ZNF440: variants seen among roughly 807,000 people sequenced by gnomAD.
ZNF440 encodes the protein zinc finger protein 440.
ZNF440 carries 47 observed loss-of-function variants against 49.7 expected under a neutral mutation model. The ratio of observed to expected loss-of-function variants is 0.95; its 90% CI spans 0.75 to 1.21. The LOEUF (loss-of-function observed/expected upper bound fraction) is 1.21, where lower values mean the gene tolerates loss of function less well. ZNF440 is among the 50% of genes most tolerant of loss of function. The probability of loss-of-function intolerance (pLI) is 0.00; values close to 1 mark genes in which losing one functional copy is unlikely to be tolerated. For missense variants in ZNF440, 703 were observed against 715.0 expected (o/e 0.98, Z 0.19); for synonymous variants, 255 against 237.7 (o/e 1.07, Z -0.67).
intron 1 of ZNF440, among the ~76,000 whole-genome samples, chr19:11,815,284 TCACACACACACACACACACACA>T (rs3223082): frequency 5.0e-5 from 6 of 121,128 alleles, no homozygotes; most frequent in South Asian, 2.8e-4. Flanking sequence ...GGCAACTCCG[TCACACACACACACACACACACA>T]CACACACACA....
intron 1 of ZNF440, among the ~76,000 whole-genome samples, chr19:11,825,797 T>C (rs532962073): frequency 3.5e-5 from 5 of 144,796 alleles, no homozygotes; most frequent in Admixed American, 6.9e-5. Flanking sequence ...TTTTCTTTTT[T>C]TTTTCTTTTC....
intron 3 of ZNF440, 31 bp downstream of exon 3, chr19:11,830,708 C>T: frequency 6.2e-7 from 1 of 1,603,478 alleles, no homozygotes; most frequent in Non-Finnish European, 8.5e-7. Flanking sequence ...AAAGCAGTGT[C>T]TCTCTAGACA....
At chr19:11,830,822 A>G (rs1434277089) in intron 3 of ZNF440, 145 bp downstream of exon 3, 1 of 1,137,546 alleles carries the variant, frequency 8.8e-7, no homozygotes, top group African/African-American at 1.6e-5. Context: ...CATATATGTA[A>G]ATGTGACCTA....
Position 11,831,831 on chromosome 19 carries a change from G to A in ZNF440, c.655G>A (p.Glu219Lys). ...FHCLRLYLIH[E>K]RIHTGEKPCE... ...TTGTCTCAGATTATATCTTATCCAT[G>A]AAAGAATTCACACTGGAGAGAAACC... is the stretch of plus-strand genomic sequence containing the variant. The change falls in exon 4 of 4, where the codon GAA becomes AAA. Residue 219 changes from glutamate to lysine, a missense_variant. By Grantham distance (56) the Glu-to-Lys change is moderately conservative. Coordinates refer to ENST00000304060, the MANE Select transcript of ZNF440 (RefSeq NM_152357.3). The A allele has an allele frequency of 6.2e-7, 1 of 1,609,240 alleles. No individual in the cohort carries two copies.
At position 11,832,215 on chromosome 19, in the gene ZNF440, A is replaced by G. The variant is rs776523869; in HGVS notation, c.1039A>G (p.Lys347Glu). The G allele has an allele frequency of 4.3e-6, 7 of 1,614,084 alleles. No homozygotes were observed. The highest frequency in any genetic ancestry group is 2.7e-5 in the African/African-American group (2 of 74,938). Residue 347 changes from lysine to glutamate, a missense_variant, in exon 4 of 4, where the codon AAA (lysine) becomes GAA (glutamate). Coordinates refer to ENST00000304060, the MANE Select transcript of ZNF440 (RefSeq NM_152357.3). ...ERPYECKICGKDFCSVNSFQR... is the reference protein window; with the variant it reads ...ERPYECKICGEDFCSVNSFQR... ...ACCTTATGAATGTAAGATATGTGGA[A>G]AAGACTTTTGTTCTGTGAATTCATT...
At position 11,832,646 on chromosome 19, in the gene ZNF440, A is replaced by G. The variant is rs1293764374; in HGVS notation, c.1470A>G (p.Gln490=). 3 of 1,613,404 alleles carry G rather than the reference A, an allele frequency of 1.9e-6. No individual in the cohort carries two copies. Among genetic ancestry groups the G allele is most frequent in the East Asian group, 2.2e-5 (1 of 44,824 alleles). The change falls in exon 4 of 4, where the codon CAA becomes CAG. Residue 490 remains glutamine, a synonymous_variant. Transcript: ENST00000304060. ...HTGEKLYECK[Q]RSVVPSVVPV... ...GAGAGAAACTCTATGAATGCAAGCA[A>G]CGTTCAGTAGTTCCTTCAGTAGTTC...
chr19:11,830,249 A>G, intron 1 of ZNF440, 34 bp from the exon 2 acceptor site: 1 of 1,613,360 alleles, frequency 6.2e-7, no homozygotes, highest in Non-Finnish European at 8.5e-7. Context: ...TGTCACTCTC[A>G]CCCATCTTCT....
intron 1 of ZNF440, among the ~76,000 whole-genome samples, chr19:11,826,906 A>C (rs1297767987): frequency 6.6e-6 from 1 of 151,950 alleles, no homozygotes; most frequent in African/African-American, 2.4e-5. Context: ...TCAGGTGATC[A>C]ACCTGCCTCA....
At chr19:11,825,941 G>A (rs762592660) in intron 1 of ZNF440, among the ~76,000 whole-genome samples, 3 of 151,222 alleles carry the variant, frequency 2.0e-5, no homozygotes, top group East Asian at 3.9e-4. Context: ...TCTGCCTCCC[G>A]AGTAGCTGGG....
intron 1 of ZNF440, among the ~76,000 whole-genome samples, chr19:11,819,305 A>G (rs1975770532): frequency 6.6e-6 from 1 of 152,136 alleles, no homozygotes; most frequent in South Asian, 2.1e-4. Flanking sequence ...CTGGCTATGT[A>G]AAAGCTGTGT....
chr19:11,831,282 G>A, intron 3 of ZNF440, 86 bp from the exon 4 acceptor site: 1 of 1,500,570 alleles, frequency 6.7e-7, no homozygotes, highest in Non-Finnish European at 8.9e-7. Flanking sequence ...GATGGAGAGT[G>A]TTAAAAATGC....
intron 1 of ZNF440, chr19:11,817,781 CT>C (rs1975750729): frequency 1.3e-5 from 2 of 152,160 alleles, no homozygotes; most frequent in Non-Finnish European, 2.9e-5. Flanking sequence ...ATGTAGGGAT[CT>C]TGTCTATGTA....
At chr19:11,815,885 A>G (rs536631834) in intron 1 of ZNF440, 1 of 152,462 alleles carries the variant, frequency 6.6e-6, no homozygotes, top group East Asian at 1.9e-4. Flanking sequence ...CAACAGAGCC[A>G]GACTCCATCT....
intron 1 of ZNF440, among the ~76,000 whole-genome samples, chr19:11,824,196 A>G (rs894985015): frequency 1.3e-5 from 2 of 151,586 alleles, no homozygotes; most frequent in East Asian, 3.9e-4. Context: ...AAAAAAAAAA[A>G]AAAAAGAAAA....
intron 1 of ZNF440, among the ~76,000 whole-genome samples, chr19:11,819,902 A>G (rs1032284815): frequency 6.6e-6 from 1 of 152,144 alleles, no homozygotes; most frequent in African/African-American, 2.4e-5. Context: ...ATTGCTTCTT[A>G]TTTAAATTTT....
chr19:11,832,106 T>A lies in ZNF440; in HGVS notation c.930T>A (p.Asn310Lys). 3 of 1,614,002 alleles carry A rather than the reference T, an allele frequency of 1.9e-6. No homozygotes were observed. Among genetic ancestry groups the A allele is most frequent in the African/African-American group, 1.3e-5 (1 of 75,004 alleles). ...ATGAAAGGACCCACTCTAGGAAAAA[T>A]CTCTATGAATGTAAGCAGTGTGGGA... ...RIHERTHSRK[N>K]LYECKQCGKA... The change falls in exon 4 of 4, where the codon AAT (asparagine) becomes AAA (lysine). Residue 310 changes from asparagine (N) to lysine (K), a missense_variant. Physicochemically the swap from Asn to Lys is moderately conservative, Grantham distance 94 (BLOSUM62 0). Coordinates refer to ENST00000304060, the MANE Select transcript of ZNF440 (RefSeq NM_152357.3).
intron 1 of ZNF440, among the ~76,000 whole-genome samples, chr19:11,817,903 C>A (rs189034951): frequency 6.6e-6 from 1 of 152,182 alleles, no homozygotes; most frequent in Admixed American, 6.5e-5. Context: ...CATACAAGTG[C>A]ATTAAAACAT....
intron 1 of ZNF440, among the ~76,000 whole-genome samples, chr19:11,824,776 C>T (rs1322180477): frequency 1.4e-5 from 2 of 146,860 alleles, no homozygotes; most frequent in African/African-American, 2.5e-5. Context: ...GGCATGATCT[C>T]GGCTCACTGC....
chr19:11,831,832 A>G lies in ZNF440; in HGVS notation c.656A>G (p.Glu219Gly), dbSNP rs1975945716. The G allele has an allele frequency of 7.5e-6, 12 of 1,609,260 alleles. No individual in the cohort carries two copies. Among genetic ancestry groups the G allele is most frequent in the Non-Finnish European group, 9.4e-6 (11 of 1,176,430 alleles). The change falls in exon 4 of 4, where the codon GAA becomes GGA. Residue 219 changes from glutamate to glycine, a missense_variant. Coordinates refer to ENST00000304060, the MANE Select transcript of ZNF440 (RefSeq NM_152357.3). ...TGTCTCAGATTATATCTTATCCATG[A>G]AAGAATTCACACTGGAGAGAAACCA... is the stretch of plus-strand genomic sequence containing the variant. ...FHCLRLYLIH[E>G]RIHTGEKPCE...
Sources: allele counts gnomAD v4.1 joint callset (sites outside exome capture counted in the v4.1 genomes callset), GRCh38; gene constraint gnomAD v4.1.1; transcripts MANE v1.5; gene names NCBI Gene and HGNC (gene_info 2026-07-23, HGNC 2026-07-21).